Variants in GSK3B observed in about 807,000 individuals in gnomAD.
The protein encoded by GSK3B is glycogen synthase kinase 3 beta, also known as glycogen synthase kinase-3 beta.
In GSK3B, 15 loss-of-function variants were observed where a neutral mutation model predicts 56.4. That is an observed-to-expected ratio of 0.27 (90% confidence interval 0.18 to 0.41). The LOEUF is 0.41. Ranked by LOEUF, GSK3B falls within the 10% of genes least tolerant of loss-of-function variation. The pLI is 1.00. For missense variants in GSK3B, 300 were observed against 513.4 expected (o/e 0.58, Z 4.02); for synonymous variants, 181 against 188.9 (o/e 0.96, Z 0.34).
At chr3:119,928,345 C>T (rs1450684458) in intron 3 of GSK3B, among the ~76,000 whole-genome samples, 1 of 152,100 alleles carries the variant, frequency 6.6e-6, no homozygotes, top group Non-Finnish European at 1.5e-5. Flanking sequence ...GTGGCTCACG[C>T]CTGTAATCCC....
chr3:119,863,333 C>T, intron 9 of GSK3B, 86 bp downstream of exon 9: 1 of 1,108,710 alleles, frequency 9.0e-7, no homozygotes, highest in Non-Finnish European at 1.4e-6. Context: ...TTTTGTCCTC[C>T]ACAGATTTTA....
intron 1 of GSK3B, among the ~76,000 whole-genome samples, chr3:120,090,931 T>C (rs1265455093): frequency 6.6e-6 from 1 of 152,170 alleles, no homozygotes. Context: ...TTATTGTCTC[T>C]CATGCAAAAC....
At chr3:119,897,996 GTCATA>G (rs1418463029) in intron 7 of GSK3B, among the ~76,000 whole-genome samples, 1 of 151,984 alleles carries the variant, frequency 6.6e-6, no homozygotes, top group Non-Finnish European at 1.5e-5. Flanking sequence ...TTAAAATGGG[GTCATA>G]TCATGGCAAA....
chr3:119,919,733 C>CA (rs1162580190), intron 4 of GSK3B, among the ~76,000 whole-genome samples: 3 of 151,384 alleles, frequency 2.0e-5, no homozygotes, highest in South Asian at 2.1e-4. Context: ...TAGCAAAAAC[C>CA]AAAAAAACCA....
At chr3:120,061,722 A>AATTT (rs200808389) in intron 1 of GSK3B, among the ~76,000 whole-genome samples, 5,900 of 151,910 alleles carry the variant, frequency 0.039, 152 homozygotes, top group Middle Eastern at 0.065. Flanking sequence ...AGAATATATG[A>AATTT]ATTTATTTAT....
intron 1 of GSK3B, among the ~76,000 whole-genome samples, chr3:120,032,390 G>A (rs931195518): frequency 1.3e-5 from 2 of 151,768 alleles, no homozygotes; most frequent in African/African-American, 2.4e-5. Flanking sequence ...CAGGAGAATC[G>A]CTTGAACCCA....
At chr3:119,898,752 A>G (rs577607169) in intron 7 of GSK3B, among the ~76,000 whole-genome samples, 1 of 152,300 alleles carries the variant, frequency 6.6e-6, no homozygotes, top group South Asian at 2.1e-4. Flanking sequence ...GCCTGAAAAC[A>G]TACGTAGTAC....
intron 2 of GSK3B, among the ~76,000 whole-genome samples, chr3:119,955,233 C>CT (rs1345910516): frequency 2.2e-5 from 3 of 135,726 alleles, no homozygotes; most frequent in Non-Finnish European, 4.7e-5. Flanking sequence ...GAACCAACAG[C>CT]TAAAAAAAAA....
rs1411141871 is a variant in GSK3B, at chr3:119,878,057, G to A, written c.814-1549C>T. Among the ~76,000 whole-genome samples the A allele has an allele frequency of 3.3e-5, 5 of 152,130 alleles. No individual in the cohort carries two copies. In the East Asian group the frequency reaches 9.6e-4, roughly 29 times the overall value. On this transcript the variant is annotated intron_variant, in intron 7 of 10. Transcript: ENST00000264235. ...TCAGGCATAATTCTGTAACCATTCA[G>A]GGCAAAGTGAGAATTTGTTATGTTT...
chr3:119,954,541 T>C (rs975568711), intron 2 of GSK3B, among the ~76,000 whole-genome samples: 2 of 152,108 alleles, frequency 1.3e-5, no homozygotes, highest in Non-Finnish European at 1.5e-5. Flanking sequence ...TTTTTTCAAA[T>C]AGAAAAGACA....
intron 7 of GSK3B, among the ~76,000 whole-genome samples, chr3:119,892,969 A>T (rs2056519978): frequency 6.6e-6 from 1 of 152,114 alleles, no homozygotes; most frequent in Non-Finnish European, 1.5e-5. Context: ...GACTGATATG[A>T]AATGTCATCT....
At chr3:120,034,712 C>T (rs911324345) in intron 1 of GSK3B, among the ~76,000 whole-genome samples, 61 of 151,772 alleles carry the variant, frequency 4.0e-4, no homozygotes, top group African/African-American at 1.4e-3. Context: ...AACTGGGTAC[C>T]CCAAAAAAGA....
chr3:119,972,990 A>G (rs564725771), intron 2 of GSK3B, among the ~76,000 whole-genome samples: 121 of 152,324 alleles, frequency 7.9e-4, no homozygotes, highest in Middle Eastern at 3.4e-3. Context: ...GAAAAAGATC[A>G]GTGGATGCCT....
intron 1 of GSK3B, among the ~76,000 whole-genome samples, chr3:120,048,403 TAGCATAGTCACTAAG>T (rs1281894922): frequency 6.6e-6 from 1 of 152,226 alleles, no homozygotes; most frequent in Non-Finnish European, 1.5e-5. Context: ...ATACAAAGTC[TAGCATAGTCACTAAG>T]AGCATAAACT....
At chr3:119,983,800 TACAAAAGGTTA>T (rs1318289205) in intron 2 of GSK3B, among the ~76,000 whole-genome samples, 1 of 151,028 alleles carries the variant, frequency 6.6e-6, no homozygotes, top group African/African-American at 2.4e-5. Flanking sequence ...AAAGATCAAC[TACAAAAGGTTA>T]ACAAGCATAT....
intron 2 of GSK3B, among the ~76,000 whole-genome samples, chr3:119,981,598 C>T (rs1243302996): frequency 6.6e-6 from 1 of 152,246 alleles, no homozygotes; most frequent in Non-Finnish European, 1.5e-5. Flanking sequence ...ACTGCTAGCG[C>T]AGTAGTCTGA....
intron 8 of GSK3B, among the ~76,000 whole-genome samples, chr3:119,869,173 G>A (rs1471627076): frequency 6.9e-5 from 9 of 130,356 alleles, no homozygotes; most frequent in East Asian, 2.5e-4. Context: ...GCAGTGAGCC[G>A]AGGTCGTGCC....
intron 1 of GSK3B, among the ~76,000 whole-genome samples, chr3:120,040,496 A>C (rs974495150): frequency 1.3e-5 from 2 of 152,190 alleles, no homozygotes; most frequent in Non-Finnish European, 2.9e-5. Context: ...AAGCTCCCCA[A>C]GGAAGAATAG....
chr3:120,031,431 G>C (rs2057974449), intron 1 of GSK3B, among the ~76,000 whole-genome samples: 1 of 152,154 alleles, frequency 6.6e-6, no homozygotes. Context: ...CAGGGCCCTG[G>C]AAAGGCCCGT....
Sources: gnomAD v4.1 joint callset for allele counts (sites outside exome capture counted in the v4.1 genomes callset) on GRCh38, gnomAD v4.1.1 for gene constraint, MANE v1.5 for transcripts, NCBI Gene and HGNC (gene_info 2026-07-23, HGNC 2026-07-21) for gene names.